MEGF11: variants seen among roughly 807,000 people sequenced by gnomAD.
MEGF11 encodes the protein multiple EGF like domains 11.
A neutral mutation model predicts 146.6 loss-of-function variants in MEGF11; 126 were observed. The ratio of observed to expected loss-of-function variants is 0.86; its 90% CI spans 0.74 to 1.00. The LOEUF is 1.00. MEGF11 is among the 50% of genes least tolerant of loss of function. The pLI is 0.00. For synonymous variants in MEGF11, 532 were observed against 583.4 expected (o/e 0.91, Z 1.27); for missense variants, 1,509 against 1,521.2 (o/e 0.99, Z 0.13).
intron 25 of MEGF11, chr15:65,898,405 T>A: frequency 1.0e-6 from 1 of 985,168 alleles, no homozygotes; most frequent in Non-Finnish European, 1.2e-6. Context: ...TGTCTCTGAT[T>A]GCTTTCTTTT....
At chr15:66,134,450 A>ACCAG (rs879605281) in intron 1 of MEGF11, among the ~76,000 whole-genome samples, 8,903 of 151,878 alleles carry the variant, frequency 0.059, 361 homozygotes, top group South Asian at 0.2. Flanking sequence ...CAACCCGGAC[A>ACCAG]CCTGCCTGGC....
intron 1 of MEGF11, among the ~76,000 whole-genome samples, chr15:66,228,126 C>T (rs2091892278): frequency 6.6e-6 from 1 of 152,176 alleles, no homozygotes; most frequent in Non-Finnish European, 1.5e-5. Flanking sequence ...TTAACCTTCT[C>T]TGGGGCTGGA....
At chr15:66,177,466 A>G (rs1017468304) in intron 1 of MEGF11, among the ~76,000 whole-genome samples, 2 of 152,116 alleles carry the variant, frequency 1.3e-5, no homozygotes, top group Non-Finnish European at 2.9e-5. Flanking sequence ...TATGCACAGT[A>G]ATCTTTCTCC....
intron 1 of MEGF11, among the ~76,000 whole-genome samples, chr15:66,223,196 C>T (rs11856933): frequency 0.56 from 85,521 of 152,010 alleles, 24,899 homozygotes; most frequent in Non-Finnish European, 0.66. Context: ...TGCTACAACA[C>T]GGATGGACCT....
At chr15:66,005,446 A>G (rs1354618436) in intron 5 of MEGF11, among the ~76,000 whole-genome samples, 2 of 152,318 alleles carry the variant, frequency 1.3e-5, no homozygotes, top group East Asian at 3.9e-4. Flanking sequence ...CAATACTATA[A>G]TTAGAAATTG....
At chr15:66,020,558 C>A (rs904609382) in intron 5 of MEGF11, among the ~76,000 whole-genome samples, 5 of 152,182 alleles carry the variant, frequency 3.3e-5, no homozygotes, top group African/African-American at 1.2e-4. Context: ...GTATCTGAAG[C>A]CTGTCTTTCC....
chr15:66,250,384 T>C (rs1385081325), intron 1 of MEGF11, among the ~76,000 whole-genome samples: 3 of 152,206 alleles, frequency 2.0e-5, no homozygotes, highest in Non-Finnish European at 4.4e-5. Context: ...TCTTCAGACA[T>C]TGTTGTGTAT....
chr15:66,203,199 C>T (rs901279167), intron 1 of MEGF11, among the ~76,000 whole-genome samples: 1 of 152,210 alleles, frequency 6.6e-6, no homozygotes, highest in Non-Finnish European at 1.5e-5. Context: ...TCAGCCACCC[C>T]CAAGTGGGGT....
chr15:65,916,362 T>G (rs953723117), intron 17 of MEGF11, 86 bp from the exon 18 acceptor site: 1 of 1,452,310 alleles, frequency 6.9e-7, no homozygotes, highest in African/African-American at 1.4e-5. Flanking sequence ...CTTCTGTCTC[T>G]TTTTTTGCTG....
intron 2 of MEGF11, 100 bp from the exon 3 acceptor site, chr15:66,124,100 A>C: frequency 1.1e-6 from 1 of 927,062 alleles, no homozygotes; most frequent in Non-Finnish European, 1.7e-6. Context: ...GCCAAGCTCC[A>C]CAGCCAAGTG....
chr15:66,184,082 G>C (rs1203481884), intron 1 of MEGF11, among the ~76,000 whole-genome samples: 1 of 151,992 alleles, frequency 6.6e-6, no homozygotes, highest in African/African-American at 2.4e-5. Flanking sequence ...ATCAGGCTGG[G>C]GGACAGATGA....
intron 1 of MEGF11, among the ~76,000 whole-genome samples, chr15:66,182,939 G>C (rs547865597): frequency 6.6e-6 from 1 of 152,318 alleles, no homozygotes; most frequent in East Asian, 1.9e-4. Context: ...GTAGCAGGCA[G>C]TGGAAACACA....
chr15:65,909,142 A>G lies in MEGF11; in HGVS notation c.2897-7T>C. 1 of 1,520,766 alleles carries G rather than the reference A, an allele frequency of 6.6e-7. No individual in the cohort carries two copies. The highest frequency in any genetic ancestry group is 1.2e-5 in the South Asian group (1 of 83,772). The allele number at this position is 1,520,766 out of a possible 1,614,324, so 94.2% of individuals were successfully genotyped here. A position where few individuals can be genotyped will look rare whatever the true frequency, so the allele number is the denominator to read the frequency against. On this transcript the variant is annotated splice_region_variant and splice_polypyrimidine_tract_variant and intron_variant, in intron 22 of 25. Transcript: ENST00000395614. ...CTGATCTGGAAATGGGAGTCTAGTGAGAGGAATGACAGGGAGGAGCCATTA... is the reference window on the plus strand; with the variant it reads ...CTGATCTGGAAATGGGAGTCTAGTGGGAGGAATGACAGGGAGGAGCCATTA...
chr15:66,001,923 C>T (rs958715166), intron 5 of MEGF11, among the ~76,000 whole-genome samples: 1 of 152,184 alleles, frequency 6.6e-6, no homozygotes, highest in African/African-American at 2.4e-5. Context: ...TTGAGCCTGG[C>T]TGAGAGCTCT....
chr15:66,249,439 C>T (rs1044577282), intron 1 of MEGF11, among the ~76,000 whole-genome samples: 1 of 152,174 alleles, frequency 6.6e-6, no homozygotes, highest in African/African-American at 2.4e-5. Context: ...ATAATAAACC[C>T]CCACAGAGCC....
Position 65,936,529 on chromosome 15 carries a change from G to GT in MEGF11, c.1288-5587dup, listed in dbSNP as rs1446799145. Among the ~76,000 whole-genome samples, 3 of 152,184 alleles carry GT rather than the reference G, an allele frequency of 2.0e-5. No individual in the cohort carries two copies. The East Asian group carries it at 5.8e-4, about 29-fold the overall frequency. On this transcript the variant is annotated intron_variant, in intron 10 of 25. Transcript: ENST00000395614. ...AGGCAATTCAGCAAATGTTTGCTGA[G>GT]TAAGGGCCAACTCTGAGCTAGCCAT...
intron 5 of MEGF11, among the ~76,000 whole-genome samples, chr15:66,020,412 C>T (rs569819032): frequency 2.6e-4 from 39 of 152,312 alleles, no homozygotes; most frequent in African/African-American, 9.1e-4. Flanking sequence ...ACAACATCAT[C>T]TGAGCCCCTG....
At position 66,130,730 on chromosome 15, in the gene MEGF11, G is replaced by GAGGGAGGGAGGA. The variant is rs56371892; in HGVS notation, c.-8-2320_-8-2319insTCCTCCCTCCCT. On this transcript the variant is annotated intron_variant, in intron 1 of 25. Transcript: ENST00000395614. ...AAGGAAAGAAAAAGAAAGAGGGAGG[G>GAGGGAGGGAGGA]AGGAAGGAAGGAAGGAAGGAAGGAA... Among the ~76,000 whole-genome samples the GAGGGAGGGAGGA allele has an allele frequency of 2.8e-5, 4 of 141,084 alleles. No homozygotes were observed. In the South Asian group the frequency reaches 1.0e-3, roughly 35 times the overall value. 92.6% of individuals were successfully genotyped at this position (141,084 alleles called of 152,430 possible).
At chr15:66,060,201 AG>A (rs1198425645) in intron 5 of MEGF11, among the ~76,000 whole-genome samples, 3 of 151,612 alleles carry the variant, frequency 2.0e-5, no homozygotes, top group African/African-American at 7.3e-5. Context: ...ATGGGGATGG[AG>A]GGGGAAAGAG....
Sources: allele counts gnomAD v4.1 joint callset (sites outside exome capture counted in the v4.1 genomes callset), GRCh38; gene constraint gnomAD v4.1.1; transcripts MANE v1.5; gene names NCBI Gene and HGNC (gene_info 2026-07-23, HGNC 2026-07-21).